The following NEXMIF variants were observed in gnomAD, a reference collection of about 807,000 sequenced individuals.
NEXMIF encodes the protein XLMR protein related to neurite extension.
A neutral mutation model predicts 62.1 loss-of-function variants in NEXMIF; 8 were observed. That is an observed-to-expected ratio of 0.13 (90% CI 0.08 to 0.23). The LOEUF is 0.23. NEXMIF is among the 10% of genes least tolerant of loss of function. The pLI is 1.00. For synonymous variants in NEXMIF, 404 were observed against 416.6 expected, an observed-to-expected ratio of 0.97 and a Z score of 0.37; for missense variants, 976 against 1,113.3, an observed-to-expected ratio of 0.88 and a Z score of 1.75.
intron 1 of NEXMIF, among the ~76,000 whole-genome samples, chrX:74,920,003 A>G (rs1232673688): frequency 9.0e-6 from 1 of 111,545 alleles, no homozygotes; most frequent in Non-Finnish European, 1.9e-5. Flanking sequence ...TATGTGCCAC[A>G]TTTTCTTAAT....
At chrX:74,757,518 T>C (rs1237998149) in intron 1 of NEXMIF, among the ~76,000 whole-genome samples, 2 of 112,160 alleles carry the variant, frequency 1.8e-5, no homozygotes. Flanking sequence ...CTTATCTCCA[T>C]GGAATAGAGA....
intron 2 of NEXMIF, among the ~76,000 whole-genome samples, chrX:74,745,091 C>T (rs1411495911): frequency 1.8e-5 from 2 of 110,038 alleles, no homozygotes; most frequent in African/African-American, 6.6e-5. Context: ...AAGTGATTCT[C>T]ATGCCTCAGC....
In NEXMIF at chrX:74,746,978, A is replaced by G. The variant is rs2080127799; in HGVS notation, c.-47-1281T>C. Among the ~76,000 whole-genome samples the G allele has an allele frequency of 2.7e-5, 3 of 112,509 alleles. No individual in the cohort carries two copies. In the South Asian group the frequency reaches 1.1e-3, roughly 41 times the overall value. On this transcript the variant is annotated intron_variant, in intron 1 of 3. Coordinates refer to ENST00000055682, the MANE Select transcript of NEXMIF (RefSeq NM_001008537.3). ...TTTTAAAAGATGGAGAGGAGTGGATAGCAATGTCCAAGTCCCCACCCTTTG... is the reference window on the plus strand; with the variant it reads ...TTTTAAAAGATGGAGAGGAGTGGATGGCAATGTCCAAGTCCCCACCCTTTG...
In NEXMIF at chrX:74,741,633, C is replaced by A; in HGVS notation, c.2924G>T (p.Cys975Phe). Residue 975 changes from cysteine (C) to phenylalanine (F), a missense_variant, in exon 3 of 4, where the codon TGC (cysteine) becomes TTC (phenylalanine). Transcript: ENST00000055682. ...QLCHFNNGEI[C>F]FPFQQGPVNM... is the part of the protein sequence containing the mutation. The stretch of plus-strand genomic sequence containing the variant: ...GACTGGCCCCTGCTGGAAAGGAAAG[C>A]AGATCTCTCCATTATTAAAGTGACA... 1 of 1,211,232 alleles carries A rather than the reference C, an allele frequency of 8.3e-7. No homozygotes were observed. Among genetic ancestry groups the A allele is most frequent in the Non-Finnish European group, 1.1e-6 (1 of 894,989 alleles).
At chrX:74,773,840 C>G (rs1385108169) in intron 1 of NEXMIF, among the ~76,000 whole-genome samples, 2 of 89,001 alleles carry the variant, frequency 2.2e-5, no homozygotes, top group Admixed American at 3.1e-4. Context: ...TCCTGGGAGG[C>G]AGAGGTTGCA....
intron 1 of NEXMIF, among the ~76,000 whole-genome samples, chrX:74,758,848 G>A (rs745487853): frequency 8.9e-6 from 1 of 112,101 alleles, no homozygotes; most frequent in Non-Finnish European, 1.9e-5. Context: ...ATTGTGAATA[G>A]TGCTGCAATG....
At chrX:74,789,257 G>C (rs1279147618) in intron 1 of NEXMIF, among the ~76,000 whole-genome samples, 1 of 105,687 alleles carries the variant, frequency 9.5e-6, no homozygotes, top group African/African-American at 3.5e-5. Flanking sequence ...AGTTTACTGA[G>C]AATGATGTTT....
intron 1 of NEXMIF, among the ~76,000 whole-genome samples, chrX:74,873,311 G>C (rs996284198): frequency 8.9e-6 from 1 of 111,778 alleles, no homozygotes; most frequent in African/African-American, 3.3e-5. Context: ...CCCTACAAAG[G>C]ACATGAACTC....
At chrX:74,905,147 A>T (rs867318025) in intron 1 of NEXMIF, among the ~76,000 whole-genome samples, 2 of 112,177 alleles carry the variant, frequency 1.8e-5, no homozygotes, top group Middle Eastern at 4.2e-3. Flanking sequence ...AAAAAAGAGA[A>T]TAGAATAAAT....
intron 1 of NEXMIF, among the ~76,000 whole-genome samples, chrX:74,883,299 T>C (rs1196076857): frequency 8.9e-6 from 1 of 111,735 alleles, no homozygotes; most frequent in Non-Finnish European, 1.9e-5. Context: ...GGATGGAGAA[T>C]GACTTTGACG....
intron 2 of NEXMIF, among the ~76,000 whole-genome samples, chrX:74,745,248 A>C (rs1602213487): frequency 9.0e-6 from 1 of 110,610 alleles, no homozygotes; most frequent in South Asian, 3.9e-4. Flanking sequence ...CTCCCAAAGT[A>C]CTGGGATTAC....
At chrX:74,903,490 T>G (rs1307413006) in intron 1 of NEXMIF, among the ~76,000 whole-genome samples, 1 of 110,320 alleles carries the variant, frequency 9.1e-6, no homozygotes, top group Non-Finnish European at 1.9e-5. Flanking sequence ...AAATTGAAAC[T>G]GGCAAGCACT....
Position 74,744,351 on chromosome X carries a change from G to C in NEXMIF, c.206C>G (p.Ser69Cys), listed in dbSNP as rs201351157. 34 of 1,209,679 alleles carry C rather than the reference G, an allele frequency of 2.8e-5. No homozygotes were observed. Among genetic ancestry groups the C allele is most frequent in the Non-Finnish European group, 3.8e-5 (34 of 895,141 alleles). ...MYPRGLLPLPSKKPCMQSPPS... is the reference protein window; with the variant it reads ...MYPRGLLPLPCKKPCMQSPPS... ...CGGGCTCTGCATACAGGGCTTCTTAGAGGGTAGAGGCAGGAGACCTCTGGG... is the reference window on the plus strand; with the variant it reads ...CGGGCTCTGCATACAGGGCTTCTTACAGGGTAGAGGCAGGAGACCTCTGGG... Residue 69 changes from serine (S) to cysteine (C), a missense_variant, in exon 3 of 4, where the codon TCT becomes TGT. Transcript: ENST00000055682.
At position 74,895,111 on chromosome X, in the gene NEXMIF, G is replaced by C. The variant is rs2080728967; in HGVS notation, c.-48+29772C>G. 2.7e-5 allele frequency among the ~76,000 whole-genome samples: 3 copies of C among 112,208 alleles called. No homozygotes were observed. The South Asian group carries it at 1.1e-3, about 41-fold the overall frequency. Reference sequence around the variant, plus strand: ...ACTGTTAGAAATAGTAAACAAATTCGGTGATGTTTCAGGAGACAAAATCAA... The same window carrying C: ...ACTGTTAGAAATAGTAAACAAATTCCGTGATGTTTCAGGAGACAAAATCAA... On this transcript the variant is annotated intron_variant, in intron 1 of 3. Transcript: ENST00000055682.
intron 1 of NEXMIF, among the ~76,000 whole-genome samples, chrX:74,851,508 C>T: frequency 9.0e-6 from 1 of 110,724 alleles, no homozygotes; most frequent in East Asian, 2.8e-4. Flanking sequence ...TAAGGGAACC[C>T]CTAACAGACT....
chrX:74,778,158 A>C (rs2080234268), intron 1 of NEXMIF, among the ~76,000 whole-genome samples: 1 of 112,027 alleles, frequency 8.9e-6, no homozygotes, highest in Non-Finnish European at 1.9e-5. Context: ...CCTCATTTTA[A>C]TACTAAAACC....
chrX:74,900,167 A>T (rs780052279), intron 1 of NEXMIF, among the ~76,000 whole-genome samples: 7 of 111,492 alleles, frequency 6.3e-5, no homozygotes, highest in Non-Finnish European at 1.3e-4. Flanking sequence ...TAGGATGGCT[A>T]CTATTGAAAA....
intron 1 of NEXMIF, among the ~76,000 whole-genome samples, chrX:74,768,072 C>T (rs1004056892): frequency 9.0e-6 from 1 of 111,561 alleles, no homozygotes; most frequent in African/African-American, 3.3e-5. Context: ...TTACCAGCTG[C>T]TCTGCCAAGA....
chrX:74,791,019 T>C (rs1164299637), intron 1 of NEXMIF, among the ~76,000 whole-genome samples: 2 of 110,812 alleles, frequency 1.8e-5, no homozygotes, highest in African/African-American at 6.6e-5. Flanking sequence ...CTATGTTGAA[T>C]AGGAGTGGTG....
Sources: gnomAD v4.1 joint callset for allele counts (sites outside exome capture counted in the v4.1 genomes callset) on GRCh38, gnomAD v4.1.1 for gene constraint, MANE v1.5 for transcripts, NCBI Gene and HGNC (gene_info 2026-07-23, HGNC 2026-07-21) for gene names.